The following MEX3B variants were observed in gnomAD, a reference collection of about 807,000 sequenced individuals.
MEX3B encodes the protein mex-3 RNA binding family member B.
In MEX3B, 10 loss-of-function variants were observed where a neutral mutation model predicts 12.2. That is an observed-to-expected ratio of 0.82 (90% CI 0.51 to 1.40). The LOEUF is 1.40. Ranked by LOEUF, MEX3B falls within the 40% of genes most tolerant of loss-of-function variation. The probability of loss-of-function intolerance (pLI) is 0.00; values close to 1 mark genes in which losing one functional copy is unlikely to be tolerated. For missense variants in MEX3B, 839 were observed against 801.4 expected (o/e 1.05, Z -0.57); for synonymous variants, 498 against 356.3 (o/e 1.40, Z -4.48).
rs2073247249 is a variant in MEX3B at position 82,044,934 on chromosome 15, G to A, written c.257-321C>T. ...CCGCTGGGATCCAGCTGGGCGCGCC[G>A]TCAGCTCTGAAGACACGGGGAAGGG... On this transcript the variant is annotated intron_variant, in intron 1 of 1. Transcript: ENST00000329713. The surrounding 1 kb of genome is among the most constrained non-coding windows in gnomAD (Gnocchi z 5.3). 2 of 574,550 alleles carry A rather than the reference G, an allele frequency of 3.5e-6. No homozygotes were observed. Among genetic ancestry groups the A allele is most frequent in the Non-Finnish European group, 6.2e-6 (2 of 322,352 alleles). 35.6% of individuals were successfully genotyped at this position (574,550 alleles called of 1,614,324 possible). A position where few individuals can be genotyped will look rare whatever the true frequency, so the allele number is the denominator to read the frequency against.
chr15:82,043,192 C>T lies in MEX3B; in HGVS notation c.1678G>A (p.Ala560Thr). ...AAGATGCGGATGGCCTGAGTGACCGCGGTGTGGCAGACCGGGCACTCGGGC... is the reference window on the plus strand; with the variant it reads ...AAGATGCGGATGGCCTGAGTGACCGTGGTGTGGCAGACCGGGCACTCGGGC... ...SEPECPVCHT[A>T]VTQAIRIFS The change falls in exon 2 of 2, where the codon GCG (alanine) becomes ACG (threonine). Residue 560 changes from alanine (A) to threonine (T), a missense_variant. Physicochemically the swap from Ala to Thr is moderately conservative, Grantham distance 58. Coordinates refer to ENST00000329713, the MANE Select transcript of MEX3B (RefSeq NM_032246.6). 6.4e-7 allele frequency: 1 copy of T among 1,558,734 alleles called. No homozygotes were observed. Among genetic ancestry groups the T allele is most frequent in the Non-Finnish European group, 8.7e-7 (1 of 1,151,566 alleles).
At chr15:82,045,100 T>C in intron 1 of MEX3B, 1 of 600,156 alleles carries the variant, frequency 1.7e-6, no homozygotes, top group Non-Finnish European at 3.0e-6. Flanking sequence ...CCTCCCATCC[T>C]ATGCTCACTC....
rs2073256261 is a variant in MEX3B at position 82,045,938 on chromosome 15, G to A, written c.-233C>T. The A allele has an allele frequency of 2.4e-6, 1 of 419,570 alleles. No individual in the cohort carries two copies. Among genetic ancestry groups the A allele is most frequent in the Non-Finnish European group, 4.0e-6 (1 of 248,442 alleles). The allele number at this position is 419,570 out of a possible 1,614,324, so 26.0% of individuals were successfully genotyped here. A position where few individuals can be genotyped will look rare whatever the true frequency, so the allele number is the denominator to read the frequency against. On this transcript the variant is annotated 5_prime_UTR_variant, in exon 1 of 2. Transcript: ENST00000329713. ...CCCCACCCCAGACCTGCTGGCGGGT[G>A]GGGTGGGGGCAGAGCTCTAGCGGTG...
chr15:82,045,045 TTCC>T, intron 1 of MEX3B: 2 of 590,670 alleles, frequency 3.4e-6, no homozygotes, highest in Non-Finnish European at 3.0e-6. Context: ...GGACCCATTG[TTCC>T]TCCTCTGGGC....
intron 1 of MEX3B, chr15:82,045,237 A>T: frequency 1.5e-6 from 1 of 679,998 alleles, no homozygotes; most frequent in Non-Finnish European, 2.6e-6. Context: ...TTTTAGCAGA[A>T]GAAAGTGCAT....
At position 82,043,758 on chromosome 15, in the gene MEX3B, G is replaced by A. The variant is rs1022885472; in HGVS notation, c.1112C>T (p.Pro371Leu). The change falls in exon 2 of 2, where the codon CCT becomes CTT. Residue 371 changes from proline (P) to leucine (L), a missense_variant. By Grantham distance (98) the Pro-to-Leu change is moderately conservative. This residue lies in a region of MEX3B where 573 missense variants were observed against 488.9 expected (regional missense o/e 1.17). Coordinates refer to ENST00000329713, the MANE Select transcript of MEX3B (RefSeq NM_032246.6). ...CTGGGCCCAGATAAGTGGTGCCCCA[G>A]GTGGGGGAGCGGGAGCCGGGTCAAA... ...PTFDPAPAPP[P>L]GAPLIWAQFE... The A allele has an allele frequency of 3.2e-6, 5 of 1,570,670 alleles. No homozygotes were observed. The African/African-American group carries it at 4.1e-5, about 13-fold the overall frequency.
Position 82,045,446 on chromosome 15 carries a change from C to T in MEX3B, c.256+4G>A. On this transcript the variant is annotated splice_donor_region_variant and intron_variant, in intron 1 of 1. Coordinates refer to ENST00000329713, the MANE Select transcript of MEX3B (RefSeq NM_032246.6). Reference sequence around the variant, plus strand: ...ACCCACCTCCCCATCCCTCCTCGACCTACCTTGCCGCCCCACGATCTCGGC... The same window carrying T: ...ACCCACCTCCCCATCCCTCCTCGACTTACCTTGCCGCCCCACGATCTCGGC... 6.2e-7 allele frequency: 1 copy of T among 1,609,122 alleles called. No homozygotes were observed.
At position 82,044,314 on chromosome 15, in the gene MEX3B, T is replaced by C. The variant is rs761024337; in HGVS notation, c.556A>G (p.Ile186Val). ...ATGTACGTGTGCGTCTGCTGCTGGA[T>C]GCGCTTGATTGTGGCGCCTTTGGGC... ...VGPKGATIKR[I>V]QQQTHTYIVT... Residue 186 changes from isoleucine (I) to valine (V), a missense_variant, in exon 2 of 2, where the codon ATC becomes GTC. Physicochemically the swap from Ile to Val is conservative, Grantham distance 29. Transcript: ENST00000329713. This position sits in a 1 kb window ranked among gnomAD's most constrained non-coding sequence, Gnocchi z 5.3. 1 of 1,613,178 alleles carries C rather than the reference T, an allele frequency of 6.2e-7. No homozygotes were observed. The highest frequency in any genetic ancestry group is 1.1e-5 in the South Asian group (1 of 91,086).
intron 1 of MEX3B, 35 bp downstream of exon 1, chr15:82,045,415 A>ACCCCCCCCCCCCCCCCCCACCC: frequency 6.5e-7 from 1 of 1,530,524 alleles, no homozygotes; most frequent in Non-Finnish European, 8.9e-7. Context: ...ACCCTACACC[A>ACCCCCCCCCCCCCCCCCCACCC]CCCCCACCCA....
At chr15:82,045,328 C>G in intron 1 of MEX3B, 122 bp downstream of exon 1, 1 of 1,244,724 alleles carries the variant, frequency 8.0e-7, no homozygotes, top group Non-Finnish European at 1.1e-6. Flanking sequence ...TCGCGCGGCT[C>G]TTCCTCTCTC....
intron 1 of MEX3B, 62 bp downstream of exon 1, chr15:82,045,388 C>T (rs750943775): frequency 2.6e-6 from 4 of 1,545,466 alleles, no homozygotes; most frequent in Admixed American, 1.8e-5. Flanking sequence ...GCCTTCCCCT[C>T]GAGGCAGTGG....
rs373427350 is a variant in MEX3B at position 82,044,630 on chromosome 15, G to A, written c.257-17C>T. ...TTTTACAACCTACGAACCAGGGTGCGGAGGAGGGAGTGGGAGAGAGAGACA... is the reference window on the plus strand; with the variant it reads ...TTTTACAACCTACGAACCAGGGTGCAGAGGAGGGAGTGGGAGAGAGAGACA... On this transcript the variant is annotated splice_polypyrimidine_tract_variant and intron_variant, in intron 1 of 1. Coordinates refer to ENST00000329713, the MANE Select transcript of MEX3B (RefSeq NM_032246.6). This position sits in a 1 kb window ranked among gnomAD's most constrained non-coding sequence, Gnocchi z 5.3. 4.1e-5 allele frequency: 66 copies of A among 1,613,506 alleles called. 1 individual carries two copies. In the Admixed American group the frequency reaches 6.7e-4, roughly 16 times the overall value.
At chr15:82,045,238 G>GA (rs2073249382) in intron 1 of MEX3B, 8 of 681,364 alleles carry the variant, frequency 1.2e-5, no homozygotes, top group Non-Finnish European at 2.1e-5. Flanking sequence ...TTTAGCAGAA[G>GA]AAAGTGCATC....
In MEX3B at chr15:82,043,622, G is replaced by A. The variant is rs1237640870; in HGVS notation, c.1248C>T (p.Ala416=). Residue 416 remains alanine (A), a synonymous_variant, in exon 2 of 2, where the codon GCC becomes GCT. Transcript: ENST00000329713. ...CCAGGTTGGCGTTGGAGGGCGCACT[G>A]GCGCCACCCCCGGGGAAGACCACGG... ...SSSVVFPGGG[A]SAPSNANLGL... is the part of the protein sequence containing the mutation. 2 of 1,602,772 alleles carry A rather than the reference G, an allele frequency of 1.2e-6. No homozygotes were observed. The highest frequency in any genetic ancestry group is 1.7e-6 in the Non-Finnish European group (2 of 1,175,018).
rs754251325 is a variant in MEX3B at position 82,043,314 on chromosome 15, G to A, written c.1556C>T (p.Ser519Phe). 6.8e-6 allele frequency: 11 copies of A among 1,609,752 alleles called. No homozygotes were observed. In the Middle Eastern group the frequency reaches 9.9e-4, roughly 145 times the overall value. Residue 519 changes from serine (S) to phenylalanine (F), a missense_variant, in exon 2 of 2, where the codon TCC becomes TTC. Physicochemically the swap from Ser to Phe is radical, Grantham distance 155 (BLOSUM62 -2). Transcript: ENST00000329713. ...GLRRKGSRDCSVCFESEVIAA... is the reference protein window; with the variant it reads ...GLRRKGSRDCFVCFESEVIAA... ...AATCACTTCGCTCTCGAAGCACACG[G>A]AGCAGTCGCGGCTGCCTTTACGCCG... is the stretch of plus-strand genomic sequence containing the variant.
chr15:82,045,897 G>A lies in MEX3B; in HGVS notation c.-192C>T, dbSNP rs139771390. 541 of 548,882 alleles carry A rather than the reference G, an allele frequency of 9.9e-4. 3 individuals carry two copies. The African/African-American group carries it at 9.9e-3, about 10-fold the overall frequency. 34.0% of individuals were successfully genotyped at this position (548,882 alleles called of 1,614,324 possible). ...GGTCCGCACCGGGCAGTGGCTGCAG[G>A]AGCCCCCACCTGGGTCCCCACCCCA... On this transcript the variant is annotated 5_prime_UTR_variant, in exon 1 of 2. Transcript: ENST00000329713.
chr15:82,045,323 C>T, intron 1 of MEX3B, 127 bp downstream of exon 1: 5 of 1,176,580 alleles, frequency 4.2e-6, no homozygotes, highest in Non-Finnish European at 6.1e-6. Context: ...GCCCATCGCG[C>T]GGCTCTTCCT....
Position 82,045,711 on chromosome 15 carries a change from G to C in MEX3B, c.-6C>G. ...GCGAACAGCGAGCTGGGCATCGCTC[G>C]GCCGTGCGCGCCGCGCCCCCGCCGG... is the stretch of plus-strand genomic sequence containing the variant. On this transcript the variant is annotated 5_prime_UTR_variant, in exon 1 of 2. Transcript: ENST00000329713. 1.5e-6 allele frequency: 2 copies of C among 1,341,520 alleles called. No individual in the cohort carries two copies. The highest frequency in any genetic ancestry group is 1.9e-6 in the Non-Finnish European group (2 of 1,054,726). 83.1% of individuals were successfully genotyped at this position (1,341,520 alleles called of 1,614,324 possible).
Position 82,045,661 on chromosome 15 carries a change from G to A in MEX3B, c.45C>T (p.Gly15=), listed in dbSNP as rs960221933. The part of the protein sequence containing the change: ...LFADLERNGS[G]GGGGGSSGGG... ...CTCCGCTGCTGCCGCCGCCGCCGCC[G>A]CCGCTGCCGTTGCGCTCCAGGTCTG... Residue 15 remains glycine (G), a synonymous_variant, in exon 1 of 2, where the codon GGC becomes GGT. Coordinates refer to ENST00000329713, the MANE Select transcript of MEX3B (RefSeq NM_032246.6). The A allele has an allele frequency of 6.4e-7, 1 of 1,560,594 alleles. No individual in the cohort carries two copies. The highest frequency in any genetic ancestry group is 1.4e-5 in the African/African-American group (1 of 73,830).
Sources: gnomAD v4.1 joint callset for allele counts on GRCh38, gnomAD v4.1.1 for gene constraint, gnomAD v4.1.1 regional missense constraint, Gnocchi (gnomAD v3.1) non-coding constraint, MANE v1.5 for transcripts, NCBI Gene and HGNC (gene_info 2026-07-23, HGNC 2026-07-21) for gene names.